KIFC3: variants seen among roughly 807,000 people sequenced by gnomAD.
The protein encoded by KIFC3 is kinesin family member C3, also known as kinesin-like protein KIFC3.
KIFC3 carries 60 observed loss-of-function variants against 101.8 expected under a neutral mutation model. The observed-to-expected ratio is 0.59, with a 90% CI of 0.48 to 0.73. KIFC3 has a LOEUF of 0.73. KIFC3 is among the 30% of genes least tolerant of loss of function. The pLI, the probability that KIFC3 is intolerant of heterozygous loss-of-function variation, is 0.00. For synonymous variants in KIFC3, 476 were observed against 482.7 expected (o/e 0.99, Z 0.18); for missense variants, 966 against 1,137.1 (o/e 0.85, Z 2.16).
At chr16:57,796,285 G>A (rs988657779) in intron 2 of KIFC3, among the ~76,000 whole-genome samples, 5 of 152,168 alleles carry the variant, frequency 3.3e-5, no homozygotes, top group African/African-American at 1.2e-4. Flanking sequence ...TGAAATACAC[G>A]TGGTGCCCAT....
intron 1 of KIFC3, chr16:57,810,524 C>T (rs1027469644): frequency 3.3e-6 from 1 of 299,210 alleles, no homozygotes. Flanking sequence ...ACACCACCAG[C>T]TTCCAGGTGA....
At chr16:57,787,101 G>A (rs1311947348) in intron 3 of KIFC3, among the ~76,000 whole-genome samples, 1 of 152,252 alleles carries the variant, frequency 6.6e-6, no homozygotes, top group Admixed American at 6.5e-5. Flanking sequence ...AGTGAGATCA[G>A]ACGGATGCTT....
At chr16:57,862,638 C>G (rs1206812716) in intron 1 of KIFC3, 1 of 343,842 alleles carries the variant, frequency 2.9e-6, no homozygotes, top group Non-Finnish European at 5.6e-6. Context: ...CACTGTTTTT[C>G]AAAAAGATGT....
Position 57,771,579 on chromosome 16 carries a change from C to T in KIFC3, c.489G>A (p.Lys163=). ...CACAACCTGGGCAGGGACCTGCTGG[C>T]TTTGTGCGCAGCTCTTGCAGCTCGG... ...CEAELQELRT[K]PAGPCPGCEH... Residue 163 remains lysine (K), a synonymous_variant, in exon 5 of 20, where the codon AAG becomes AAA. Coordinates refer to ENST00000445690, the MANE Select transcript of KIFC3 (RefSeq NM_001130100.2). 6.2e-7 allele frequency: 1 copy of T among 1,613,566 alleles called. No homozygotes were observed. The highest frequency in any genetic ancestry group is 8.5e-7 in the Non-Finnish European group (1 of 1,180,022).
At chr16:57,797,605 T>C in intron 2 of KIFC3, 1 of 801,336 alleles carries the variant, frequency 1.2e-6, no homozygotes, top group South Asian at 4.0e-5. Flanking sequence ...CAGGCCACGT[T>C]CCCGAGCAGC....
chr16:57,815,683 G>A (rs2055204418), intron 1 of KIFC3: 8 of 1,276,798 alleles, frequency 6.3e-6, no homozygotes, highest in Non-Finnish European at 8.2e-6. Flanking sequence ...CACTCCACTC[G>A]GGGCCTGGGA....
intron 9 of KIFC3, among the ~76,000 whole-genome samples, chr16:57,767,948 T>A (rs2050675764): frequency 6.6e-6 from 1 of 152,260 alleles, no homozygotes; most frequent in South Asian, 2.1e-4. Flanking sequence ...AGTGTTGGGA[T>A]TACAGGTGTG....
intron 1 of KIFC3, among the ~76,000 whole-genome samples, chr16:57,836,055 A>G (rs1470758970): frequency 1.3e-5 from 2 of 151,958 alleles, no homozygotes; most frequent in African/African-American, 4.8e-5. Context: ...CCCAGTCGCC[A>G]GCCTGAAGCT....
At chr16:57,847,437 A>G (rs1476093599) in intron 1 of KIFC3, among the ~76,000 whole-genome samples, 1 of 152,148 alleles carries the variant, frequency 6.6e-6, no homozygotes, top group African/African-American at 2.4e-5. Context: ...TAAACAATAA[A>G]AAGTAATTTT....
chr16:57,775,418 C>T (rs1381912768), intron 3 of KIFC3: 3 of 1,036,978 alleles, frequency 2.9e-6, no homozygotes, highest in Middle Eastern at 4.5e-4. Flanking sequence ...GCCAGCTCTA[C>T]TGGGGGCTAG....
At chr16:57,801,965 A>G (rs2054755187) in intron 1 of KIFC3, among the ~76,000 whole-genome samples, 1 of 152,170 alleles carries the variant, frequency 6.6e-6, no homozygotes, top group Non-Finnish European at 1.5e-5. Flanking sequence ...GAACTCCCCA[A>G]GGGACGTGGT....
intron 3 of KIFC3, 141 bp from the exon 4 acceptor site, chr16:57,772,429 G>A: frequency 1.6e-6 from 1 of 644,750 alleles, no homozygotes; most frequent in Non-Finnish European, 2.7e-6. Flanking sequence ...CTATGTTCAA[G>A]CATCCCATCA....
rs782692049 is a variant in KIFC3, at chr16:57,771,239, C to T, written c.724G>A (p.Glu242Lys). 3.7e-6 allele frequency: 6 copies of T among 1,613,174 alleles called. No individual in the cohort carries two copies. Among genetic ancestry groups the T allele is most frequent in the Admixed American group, 3.3e-5 (2 of 60,036 alleles). Reference protein sequence around the residue: ...RLSRRLRDSHETIASLRAQSP... With the variant: ...RLSRRLRDSHKTIASLRAQSP... ...TGGGCCCGCAGGCTGGCAATGGTCT[C>T]GTGGCTGTCACGCAGGCGCCGACTA... is the stretch of plus-strand genomic sequence containing the variant. Residue 242 changes from glutamate to lysine, a missense_variant, in exon 6 of 20, where the codon GAG (glutamate) becomes AAG (lysine). Around this residue, in one of 2 missense-constraint regions of KIFC3, gnomAD observed 689 missense variants for 884.6 expected, o/e 0.78. Transcript: ENST00000445690.
chr16:57,800,638 G>C (rs1195323116), intron 1 of KIFC3, among the ~76,000 whole-genome samples: 7 of 152,218 alleles, frequency 4.6e-5, no homozygotes, highest in African/African-American at 1.7e-4. Context: ...GGAGGAGATA[G>C]CGTTTCTGCG....
At chr16:57,861,586 T>C (rs904383237) in intron 1 of KIFC3, among the ~76,000 whole-genome samples, 2 of 152,218 alleles carry the variant, frequency 1.3e-5, no homozygotes, top group East Asian at 3.8e-4. Context: ...GCGTCCACTT[T>C]CCCAGGGGTC....
chr16:57,761,067 G>A lies in KIFC3; in HGVS notation c.1977C>T (p.Asp659=), dbSNP rs1555596540. 1 of 1,612,842 alleles carries A rather than the reference G, an allele frequency of 6.2e-7. No individual in the cohort carries two copies. The highest frequency in any genetic ancestry group is 8.5e-7 in the Non-Finnish European group (1 of 1,179,634). The part of the protein sequence containing the change: ...ALLIVTVRGV[D]CSTGLRTTGK... ...CCGTGGTGCGGAGGCCTGTGCTGCA[G>A]TCCACGCCTCGCACCGTCACGATGA... Residue 659 remains aspartate, a synonymous_variant, in exon 15 of 20, where the codon GAC becomes GAT. Coordinates refer to ENST00000445690, the MANE Select transcript of KIFC3 (RefSeq NM_001130100.2).
At chr16:57,775,829 C>T in intron 3 of KIFC3, 1 of 985,620 alleles carries the variant, frequency 1.0e-6, no homozygotes, top group Non-Finnish European at 1.2e-6. Context: ...GGACGTCAAT[C>T]CAGGGCTGAG....
At chr16:57,860,710 T>TTTTA (rs145779822) in intron 1 of KIFC3, among the ~76,000 whole-genome samples, 40 of 151,756 alleles carry the variant, frequency 2.6e-4, no homozygotes, top group Admixed American at 9.2e-4. Flanking sequence ...ACTTTAAACT[T>TTTTA]TTTATTTATT....
intron 9 of KIFC3, 144 bp from the exon 10 acceptor site, chr16:57,767,129 A>C: frequency 3.2e-6 from 2 of 632,588 alleles, no homozygotes; most frequent in Non-Finnish European, 5.6e-6. Context: ...TGTCCCAATC[A>C]CCCCTCTGGG....
Sources: gnomAD v4.1 joint callset for allele counts (sites outside exome capture counted in the v4.1 genomes callset) on GRCh38, gnomAD v4.1.1 for gene constraint, gnomAD v4.1.1 regional missense constraint, MANE v1.5 for transcripts, NCBI Gene and HGNC (gene_info 2026-07-23, HGNC 2026-07-21) for gene names.